ABR: variants seen among roughly 807,000 people sequenced by gnomAD.
The protein encoded by ABR is ABR activator of RhoGEF and GTPase, also known as active breakpoint cluster region-related protein.
In ABR, 35 loss-of-function variants were observed where a neutral mutation model predicts 107.2. The observed-to-expected ratio is 0.33, with a 90% confidence interval of 0.25 to 0.43. The LOEUF is 0.43. ABR is among the 20% of genes least tolerant of loss of function. ABR has a pLI of 1.00. For synonymous variants in ABR, 498 were observed against 462.0 expected, an observed-to-expected ratio of 1.08 and a Z score of -1.00; for missense variants, 815 against 1,115.2, an observed-to-expected ratio of 0.73 and a Z score of 3.83.
chr17:1,150,528 G>A lies in ABR; in HGVS notation c.62-25161C>T, dbSNP rs189972157. On this transcript the variant is annotated intron_variant, in intron 1 of 22. Coordinates refer to ENST00000302538, the MANE Select transcript of ABR (RefSeq NM_021962.5). The surrounding 1 kb of genome is among the most constrained non-coding windows in gnomAD (Gnocchi z 4.8). The stretch of plus-strand genomic sequence containing the variant: ...GCAATACACAGGTTGCCCAAGCGCC[G>A]AGAGAGGCCCAGGAGGACGGGCCCC... Among the ~76,000 whole-genome samples the A allele has an allele frequency of 3.6e-3, 547 of 152,270 alleles. 3 individuals carry two copies. Among genetic ancestry groups the A allele is most frequent in the African/African-American group, 0.012 (519 of 41,544 alleles).
Position 1,056,114 on chromosome 17 carries a change from A to G in ABR, c.1487-5T>C, listed in dbSNP as rs1597584148. ...AGAGTCCTGGAGACTCATCGTCTGC[A>G]AGAGAGAAAAGCCCCCAGGGCAGAG... On this transcript the variant is annotated splice_region_variant and splice_polypyrimidine_tract_variant and intron_variant, in intron 13 of 22. Transcript: ENST00000302538. 6.2e-7 allele frequency: 1 copy of G among 1,613,782 alleles called. No homozygotes were observed. Among genetic ancestry groups the G allele is most frequent in the Non-Finnish European group, 8.5e-7 (1 of 1,179,696 alleles).
Position 1,066,905 on chromosome 17 carries a change from G to T in ABR, c.1182+172C>A, listed in dbSNP as rs575196109. Among the ~76,000 whole-genome samples, 3 of 152,106 alleles carry T rather than the reference G, an allele frequency of 2.0e-5. No homozygotes were observed. In the South Asian group the frequency reaches 6.2e-4, roughly 32 times the overall value. On this transcript the variant is annotated intron_variant, in intron 10 of 22. Transcript: ENST00000302538. The stretch of plus-strand genomic sequence containing the variant: ...TCCCATGTTAGCCCTATGAAATCCT[G>T]AGCACTGACCCCCTCGATCTGCTTG...
chr17:1,036,334 G>T (rs1215336702), intron 16 of ABR, among the ~76,000 whole-genome samples: 1 of 152,120 alleles, frequency 6.6e-6, no homozygotes, highest in Non-Finnish European at 1.5e-5. Flanking sequence ...GAGGAGCCTG[G>T]CACCCAGCTG....
At chr17:1,073,225 A>G (rs1478977186) in intron 7 of ABR, among the ~76,000 whole-genome samples, 3 of 147,572 alleles carry the variant, frequency 2.0e-5, no homozygotes, top group African/African-American at 7.5e-5. Context: ...ACAGCAGGGG[A>G]GAGGGCCCTG....
At chr17:1,162,722 T>A (rs2041353073) in intron 1 of ABR, among the ~76,000 whole-genome samples, 1 of 151,380 alleles carries the variant, frequency 6.6e-6, no homozygotes, top group African/African-American at 2.4e-5. Flanking sequence ...ACACCTGTCA[T>A]CCCAGCACTT....
At chr17:1,136,959 G>A (rs144442663) in intron 1 of ABR, among the ~76,000 whole-genome samples, 1 of 151,850 alleles carries the variant, frequency 6.6e-6, no homozygotes, top group Non-Finnish European at 1.5e-5. Flanking sequence ...TCCGCTTCCA[G>A]CCTATCTTGG....
At chr17:1,123,318 A>T (rs1234145000) in intron 2 of ABR, among the ~76,000 whole-genome samples, 1 of 152,150 alleles carries the variant, frequency 6.6e-6, no homozygotes, top group Non-Finnish European at 1.5e-5. Context: ...CAAGCACTTT[A>T]GGGGGCAGTC....
chr17:1,119,932 G>A (rs200516646), intron 2 of ABR, among the ~76,000 whole-genome samples: 47 of 10,696 alleles, frequency 4.4e-3, no homozygotes, highest in African/African-American at 1.0e-2. Context: ...TCACCCAGGC[G>A]GGGTACAATG....
chr17:1,128,081 G>C (rs549344305), intron 1 of ABR, among the ~76,000 whole-genome samples: 2 of 152,356 alleles, frequency 1.3e-5, no homozygotes, highest in East Asian at 3.9e-4. Flanking sequence ...GGGGGCCTGA[G>C]GACAGGGTGC....
intron 6 of ABR, among the ~76,000 whole-genome samples, chr17:1,077,312 G>GT (rs2035814690): frequency 6.6e-6 from 1 of 152,180 alleles, no homozygotes; most frequent in Non-Finnish European, 1.5e-5. Context: ...TTCAACAACA[G>GT]TATCACGGAG....
chr17:1,176,679 C>A (rs1034166676), intron 1 of ABR, among the ~76,000 whole-genome samples: 1 of 152,012 alleles, frequency 6.6e-6, no homozygotes, highest in Non-Finnish European at 1.5e-5. Context: ...AACCCCATCT[C>A]TACTAAAAAT....
intron 1 of ABR, among the ~76,000 whole-genome samples, chr17:1,125,953 T>C (rs568101028): frequency 6.6e-6 from 1 of 152,240 alleles, no homozygotes; most frequent in East Asian, 1.9e-4. Context: ...GAGGAGGCTG[T>C]GCCCAGGCCT....
chr17:1,095,391 C>T (rs945265272), intron 3 of ABR, among the ~76,000 whole-genome samples: 2 of 152,142 alleles, frequency 1.3e-5, no homozygotes, highest in East Asian at 1.9e-4. Flanking sequence ...ATTTCACTCG[C>T]GGGGAGGGGA....
At chr17:1,192,064 G>A (rs1012678585), upstream of ABR, among the ~76,000 whole-genome samples, 2 of 152,140 alleles carry the variant, frequency 1.3e-5, no homozygotes, top group African/African-American at 2.4e-5. Flanking sequence ...ATAAAGGAAG[G>A]GGGAAACTTT....
intron 1 of ABR, among the ~76,000 whole-genome samples, chr17:1,155,488 C>T (rs2041003597): frequency 6.6e-6 from 1 of 151,686 alleles, no homozygotes; most frequent in Non-Finnish European, 1.5e-5. Context: ...TGGTCTTGGA[C>T]TTGGCAAAGG....
intron 1 of ABR, among the ~76,000 whole-genome samples, chr17:1,128,405 C>A (rs1229621659): frequency 6.6e-6 from 1 of 152,228 alleles, no homozygotes; most frequent in Non-Finnish European, 1.5e-5. Context: ...CAGCCAATAT[C>A]CATTTCCCCG....
chr17:1,165,530 TTC>T (rs1429979570), intron 1 of ABR, among the ~76,000 whole-genome samples: 2 of 152,152 alleles, frequency 1.3e-5, no homozygotes, highest in East Asian at 3.9e-4. Flanking sequence ...AGTGAAAACT[TTC>T]TTTTTTTCTT....
At chr17:1,067,784 A>G (rs1016494539) in intron 9 of ABR, among the ~76,000 whole-genome samples, 15 of 152,224 alleles carry the variant, frequency 9.9e-5, no homozygotes, top group Non-Finnish European at 1.5e-5. Flanking sequence ...AAAGGACAGC[A>G]GGCAGAGGCA....
intron 16 of ABR, among the ~76,000 whole-genome samples, chr17:1,049,277 C>A (rs1185685203): frequency 6.6e-6 from 1 of 152,158 alleles, no homozygotes; most frequent in East Asian, 1.9e-4. Context: ...AAGCGATTCT[C>A]CTGCCTCAGC....
Sources: gnomAD v4.1 joint callset for allele counts (sites outside exome capture counted in the v4.1 genomes callset) on GRCh38, gnomAD v4.1.1 for gene constraint, Gnocchi (gnomAD v3.1) non-coding constraint, MANE v1.5 for transcripts, NCBI Gene and HGNC (gene_info 2026-07-23, HGNC 2026-07-21) for gene names.